The following CTNNA3 variants were observed in gnomAD, a reference collection of about 807,000 sequenced individuals.
CTNNA3 encodes catenin alpha 3.
CTNNA3 carries 76 observed loss-of-function variants against 95.7 expected under a neutral mutation model. The ratio of observed to expected loss-of-function variants is 0.79; its 90% CI spans 0.66 to 0.96. CTNNA3 has a LOEUF of 0.96. CTNNA3 is among the 40% of genes least tolerant of loss of function. CTNNA3 has a pLI of 0.00. For synonymous variants in CTNNA3, 431 were observed against 374.4 expected, an observed-to-expected ratio of 1.15 and a Z score of -1.74; for missense variants, 1,191 against 1,089.8, an observed-to-expected ratio of 1.09 and a Z score of -1.31.
At chr10:67,498,478 G>T (rs903919907) in intron 5 of CTNNA3, among the ~76,000 whole-genome samples, 9 of 152,048 alleles carry the variant, frequency 5.9e-5, no homozygotes, top group South Asian at 2.1e-4. Context: ...AGGAAAGTCA[G>T]TGGTAGCTTG....
At chr10:67,654,993 A>G (rs1351541801) in intron 1 of CTNNA3, among the ~76,000 whole-genome samples, 1 of 152,234 alleles carries the variant, frequency 6.6e-6, no homozygotes, top group Non-Finnish European at 1.5e-5. Flanking sequence ...ATTTATTAGT[A>G]TATCTGTGAT....
chr10:66,640,786 CT>C (rs1845491767), intron 9 of CTNNA3, among the ~76,000 whole-genome samples: 2 of 152,112 alleles, frequency 1.3e-5, no homozygotes, highest in Non-Finnish European at 2.9e-5. Flanking sequence ...ATTCCTTTGA[CT>C]TTTTCCCCTT....
At chr10:67,673,706 G>C (rs1470323399) in intron 1 of CTNNA3, among the ~76,000 whole-genome samples, 3 of 149,114 alleles carry the variant, frequency 2.0e-5, no homozygotes, top group Non-Finnish European at 3.0e-5. Flanking sequence ...TCCCAGGGAT[G>C]AAGCCCACTT....
intron 13 of CTNNA3, among the ~76,000 whole-genome samples, chr10:66,134,299 G>C (rs186803952): frequency 1.2e-4 from 19 of 152,060 alleles, no homozygotes; most frequent in African/African-American, 4.1e-4. Context: ...TGTGGCTGTG[G>C]AGAAATAGCA....
At chr10:66,548,226 AT>A (rs1842099078) in intron 10 of CTNNA3, among the ~76,000 whole-genome samples, 1 of 151,994 alleles carries the variant, frequency 6.6e-6, no homozygotes, top group Non-Finnish European at 1.5e-5. Flanking sequence ...TGTATTTGAT[AT>A]TTTTGATATT....
intron 7 of CTNNA3, among the ~76,000 whole-genome samples, chr10:66,875,273 TA>T (rs1844571411): frequency 6.6e-6 from 1 of 152,072 alleles, no homozygotes; most frequent in South Asian, 2.1e-4. Context: ...ACATAGTGGT[TA>T]CATAACTGTC....
intron 17 of CTNNA3, among the ~76,000 whole-genome samples, chr10:65,946,432 T>C (rs1265120345): frequency 1.3e-5 from 2 of 152,088 alleles, no homozygotes; most frequent in East Asian, 3.9e-4. Flanking sequence ...TGTTTCTCTC[T>C]CTCTCACTCA....
chr10:66,002,051 T>C (rs1445917392), intron 15 of CTNNA3, among the ~76,000 whole-genome samples: 1 of 152,208 alleles, frequency 6.6e-6, no homozygotes, highest in South Asian at 2.1e-4. Flanking sequence ...TAGGATTATA[T>C]AAATTAGCTC....
At chr10:66,951,563 A>G (rs1848542124) in intron 7 of CTNNA3, among the ~76,000 whole-genome samples, 1 of 152,190 alleles carries the variant, frequency 6.6e-6, no homozygotes, top group Admixed American at 6.6e-5. Context: ...AATTTTAAGT[A>G]ATATATTGAA....
intron 11 of CTNNA3, among the ~76,000 whole-genome samples, chr10:66,464,760 C>CAA (rs1162141756): frequency 2.9e-5 from 4 of 135,676 alleles, no homozygotes; most frequent in African/African-American, 1.2e-4. Context: ...GAGACTGTCT[C>CAA]AAAAAATAAA....
At chr10:66,592,322 A>T (rs1271523528) in intron 10 of CTNNA3, among the ~76,000 whole-genome samples, 2 of 152,122 alleles carry the variant, frequency 1.3e-5, no homozygotes, top group African/African-American at 4.8e-5. Context: ...TAAATGTCAG[A>T]TTATTTTCCT....
At chr10:67,180,152 T>C (rs927776140) in intron 7 of CTNNA3, among the ~76,000 whole-genome samples, 165 bp downstream of exon 7, 2 of 152,158 alleles carry the variant, frequency 1.3e-5, no homozygotes, top group Non-Finnish European at 2.9e-5. Flanking sequence ...CCAGGGTTGT[T>C]GTTCCCTGTA....
At chr10:66,440,336 G>T (rs1019858442) in intron 11 of CTNNA3, among the ~76,000 whole-genome samples, 1 of 151,762 alleles carries the variant, frequency 6.6e-6, no homozygotes, top group African/African-American at 2.4e-5. Flanking sequence ...TTTCAGATTT[G>T]CCTATTTTTC....
chr10:65,956,960 G>A (rs558182214), intron 17 of CTNNA3, among the ~76,000 whole-genome samples: 14 of 152,036 alleles, frequency 9.2e-5, no homozygotes, highest in African/African-American at 2.2e-4. Flanking sequence ...TTTCTGTCCC[G>A]TTGATGTGTC....
chr10:67,450,947 T>C (rs1846956670), intron 5 of CTNNA3, among the ~76,000 whole-genome samples: 1 of 152,094 alleles, frequency 6.6e-6, no homozygotes, highest in South Asian at 2.1e-4. Flanking sequence ...GAACCTGCTA[T>C]GGTTTGAAAG....
rs146669167 is a variant in CTNNA3, at chr10:67,585,462, C to A, written c.292+21395G>T. Among the ~76,000 whole-genome samples the A allele has an allele frequency of 1.2e-3, 181 of 152,158 alleles. 1 individual carries two copies. Among genetic ancestry groups the A allele is most frequent in the African/African-American group, 3.9e-3 (164 of 41,528 alleles). Reference sequence around the variant, plus strand: ...AATGCAGCTGTGAATCCATCTGGTCCTGGGCTTTTCTTTTGGGGGAGTTTT... The same window carrying A: ...AATGCAGCTGTGAATCCATCTGGTCATGGGCTTTTCTTTTGGGGGAGTTTT... On this transcript the variant is annotated intron_variant, in intron 3 of 17. Transcript: ENST00000433211.
intron 7 of CTNNA3, among the ~76,000 whole-genome samples, chr10:66,790,599 G>C (rs534229844): frequency 6.6e-5 from 10 of 152,190 alleles, no homozygotes; most frequent in African/African-American, 2.2e-4. Context: ...GCCAAGGCCT[G>C]GACTAAGTAG....
chr10:66,897,471 T>A (rs1023845296), intron 7 of CTNNA3, among the ~76,000 whole-genome samples: 3 of 152,014 alleles, frequency 2.0e-5, no homozygotes, highest in Admixed American at 2.0e-4. Context: ...TTCATAAAAA[T>A]TAAAAGAAAA....
At chr10:66,858,498 G>T (rs1268816779) in intron 7 of CTNNA3, among the ~76,000 whole-genome samples, 2 of 151,928 alleles carry the variant, frequency 1.3e-5, no homozygotes, top group Admixed American at 1.3e-4. Flanking sequence ...TATACATACA[G>T]TGGGTACAAT....
Sources: gnomAD v4.1 joint callset for allele counts (sites outside exome capture counted in the v4.1 genomes callset) on GRCh38, gnomAD v4.1.1 for gene constraint, MANE v1.5 for transcripts, NCBI Gene and HGNC (gene_info 2026-07-23, HGNC 2026-07-21) for gene names.